COL26A1: variants seen among roughly 807,000 people sequenced by gnomAD.
COL26A1 encodes the protein collagen alpha-1(XXVI) chain.
In COL26A1, 41 loss-of-function variants were observed where a neutral mutation model predicts 59.3. The observed-to-expected ratio is 0.69, with a 90% CI of 0.54 to 0.90. COL26A1 has a LOEUF of 0.90. Ranked by LOEUF, COL26A1 falls within the 40% of genes least tolerant of loss-of-function variation. COL26A1 has a pLI of 0.00. For synonymous variants in COL26A1, 266 were observed against 256.0 expected, an observed-to-expected ratio of 1.04 and a Z score of -0.37; for missense variants, 612 against 602.3, an observed-to-expected ratio of 1.02 and a Z score of -0.17.
At chr7:101,552,029 G>A (rs936318609) in intron 10 of COL26A1, among the ~76,000 whole-genome samples, 8 of 152,166 alleles carry the variant, frequency 5.3e-5, no homozygotes, top group Admixed American at 3.9e-4. Flanking sequence ...GCCACACAGC[G>A]AGGCAGTGGT....
At chr7:101,502,069 G>A (rs1558011) in intron 3 of COL26A1, among the ~76,000 whole-genome samples, 43,291 of 152,162 alleles carry the variant, frequency 0.28, 9,205 homozygotes, top group African/African-American at 0.6. Flanking sequence ...ATGCTTGAAG[G>A]CCGGGTGCGG....
At chr7:101,483,542 C>T (rs1289010366) in intron 3 of COL26A1, among the ~76,000 whole-genome samples, 1 of 151,848 alleles carries the variant, frequency 6.6e-6, no homozygotes, top group Non-Finnish European at 1.5e-5. Flanking sequence ...GGGTCTTGCT[C>T]TGTGGCCAAG....
intron 5 of COL26A1, among the ~76,000 whole-genome samples, chr7:101,540,774 G>A (rs1186808626): frequency 6.6e-6 from 1 of 152,076 alleles, no homozygotes; most frequent in Non-Finnish European, 1.5e-5. Flanking sequence ...CTGGGGAGGT[G>A]GAGGCTGTAG....
Position 101,363,110 on chromosome 7 carries a change from C to A in COL26A1, c.78C>A (p.Pro26=). The change falls in exon 1 of 13, where the codon CCC becomes CCA. Residue 26 remains proline, a synonymous_variant. Transcript: ENST00000313669. ...GSALATGFLY[P]FSAAALQQHG... is the part of the protein sequence containing the mutation. The stretch of plus-strand genomic sequence containing the variant: ...CGCTGGCCACCGGCTTCCTCTATCC[C>A]TTCTCGGCCGCAGCTCTGCAGCAGC... 6.4e-7 allele frequency: 1 copy of A among 1,551,732 alleles called. No homozygotes were observed. Among genetic ancestry groups the A allele is most frequent in the South Asian group, 1.2e-5 (1 of 85,000 alleles).
chr7:101,438,987 T>C (rs144500383), intron 2 of COL26A1, among the ~76,000 whole-genome samples: 41 of 152,300 alleles, frequency 2.7e-4, no homozygotes, highest in African/African-American at 9.6e-4. Context: ...CCCCTTTCTT[T>C]CCTGAGCTGA....
intron 3 of COL26A1, among the ~76,000 whole-genome samples, chr7:101,511,179 G>A (rs370969435): frequency 5.3e-5 from 8 of 152,152 alleles, no homozygotes; most frequent in African/African-American, 1.9e-4. Flanking sequence ...TGGGATTACA[G>A]GCGTGAGCCA....
chr7:101,487,368 C>T (rs573616829), intron 3 of COL26A1, among the ~76,000 whole-genome samples: 1 of 152,246 alleles, frequency 6.6e-6, no homozygotes, highest in South Asian at 2.1e-4. Context: ...GCTTGGATTC[C>T]ATAGCCTGCA....
chr7:101,531,188 G>A (rs1456052405), intron 3 of COL26A1, among the ~76,000 whole-genome samples: 1 of 152,090 alleles, frequency 6.6e-6, no homozygotes, highest in Non-Finnish European at 1.5e-5. Flanking sequence ...AGCCAGGATT[G>A]TCTCGATCTC....
At chr7:101,490,289 T>A (rs1031040823) in intron 3 of COL26A1, among the ~76,000 whole-genome samples, 1 of 151,984 alleles carries the variant, frequency 6.6e-6, no homozygotes, top group Non-Finnish European at 1.5e-5. Flanking sequence ...GTTGCCCAAG[T>A]TGGCCTCAAA....
At chr7:101,502,232 C>T (rs1416219820) in intron 3 of COL26A1, among the ~76,000 whole-genome samples, 1 of 152,164 alleles carries the variant, frequency 6.6e-6, no homozygotes, top group African/African-American at 2.4e-5. Flanking sequence ...ATCCCAGCTA[C>T]TCAGGAGGCT....
At chr7:101,448,250 G>GCTTTCTGC (rs1262966994) in intron 3 of COL26A1, among the ~76,000 whole-genome samples, 2 of 152,192 alleles carry the variant, frequency 1.3e-5, no homozygotes, top group African/African-American at 4.8e-5. Context: ...TCACCCAGCT[G>GCTTTCTGC]CTTTCTGCCT....
chr7:101,555,243 G>C (rs1273462808), intron 11 of COL26A1, among the ~76,000 whole-genome samples: 1 of 152,114 alleles, frequency 6.6e-6, no homozygotes, highest in African/African-American at 2.4e-5. Context: ...CTGCCATCAC[G>C]CCAGCCTGCC....
chr7:101,408,690 A>G (rs1792181429), intron 1 of COL26A1, among the ~76,000 whole-genome samples: 1 of 152,214 alleles, frequency 6.6e-6, no homozygotes, highest in African/African-American at 2.4e-5. Flanking sequence ...TCTACATCCC[A>G]TCTGAGGCTT....
intron 3 of COL26A1, among the ~76,000 whole-genome samples, chr7:101,493,774 A>G (rs1343756026): frequency 1.3e-5 from 2 of 150,198 alleles, no homozygotes; most frequent in East Asian, 2.0e-4. Context: ...AAAAAAAAAA[A>G]AAAAAAAAAT....
At chr7:101,462,600 A>G (rs1793642247) in intron 3 of COL26A1, among the ~76,000 whole-genome samples, 1 of 152,176 alleles carries the variant, frequency 6.6e-6, no homozygotes, top group Non-Finnish European at 1.5e-5. Flanking sequence ...TACAGGCGTG[A>G]GCCACCGTGC....
intron 2 of COL26A1, among the ~76,000 whole-genome samples, chr7:101,428,905 C>G (rs958330953): frequency 4.6e-5 from 7 of 151,312 alleles, no homozygotes; most frequent in African/African-American, 1.5e-4. Flanking sequence ...TCTAATTTAT[C>G]AATTTTCTTT....
intron 1 of COL26A1, among the ~76,000 whole-genome samples, chr7:101,405,139 G>A (rs1382817321): frequency 4.2e-5 from 6 of 142,838 alleles, no homozygotes; most frequent in East Asian, 4.0e-4. Flanking sequence ...GGAGAATGGC[G>A]TGAACCCCGG....
intron 3 of COL26A1, among the ~76,000 whole-genome samples, chr7:101,477,976 T>C (rs1160383592): frequency 1.3e-5 from 2 of 152,176 alleles, no homozygotes; most frequent in African/African-American, 2.4e-5. Flanking sequence ...TCCATTGATA[T>C]TTCTTTTTTA....
intron 3 of COL26A1, among the ~76,000 whole-genome samples, chr7:101,480,832 T>G (rs6465809): frequency 0.59 from 89,026 of 151,970 alleles, 29,335 homozygotes; most frequent in African/African-American, 0.9. Context: ...CCTCTCTCAT[T>G]GTTGCTTGTT....
Sources: gnomAD v4.1 joint callset for allele counts (sites outside exome capture counted in the v4.1 genomes callset) on GRCh38, gnomAD v4.1.1 for gene constraint, MANE v1.5 for transcripts, NCBI Gene and HGNC (gene_info 2026-07-23, HGNC 2026-07-21) for gene names.